Variants in PXDNL observed in about 807,000 individuals in gnomAD.
PXDNL encodes the protein probable oxidoreductase PXDNL.
A neutral mutation model predicts 150.8 loss-of-function variants in PXDNL; 145 were observed. The ratio of observed to expected loss-of-function variants is 0.96; its 90% CI spans 0.84 to 1.10. The LOEUF (loss-of-function observed/expected upper bound fraction) is 1.10. Ranked by LOEUF, PXDNL falls within the 50% of genes least tolerant of loss-of-function variation. The pLI is 0.00. For missense variants in PXDNL, 2,087 were observed against 1,873.9 expected, an observed-to-expected ratio of 1.11 and a Z score of -2.10; for synonymous variants, 757 against 725.7, an observed-to-expected ratio of 1.04 and a Z score of -0.69.
At chr8:51,729,619 A>G (rs1388902978) in intron 1 of PXDNL, among the ~76,000 whole-genome samples, 4 of 152,234 alleles carry the variant, frequency 2.6e-5, no homozygotes, top group Non-Finnish European at 5.9e-5. Flanking sequence ...TACTCTTGCC[A>G]TATAATCCAG....
intron 4 of PXDNL, among the ~76,000 whole-genome samples, chr8:51,545,047 T>C (rs1451520205): frequency 6.6e-6 from 1 of 152,172 alleles, no homozygotes; most frequent in Non-Finnish European, 1.5e-5. Flanking sequence ...AAACCAAAAA[T>C]TCTCTCTGAA....
chr8:51,623,753 G>A (rs376371985), intron 2 of PXDNL, among the ~76,000 whole-genome samples: 5 of 152,220 alleles, frequency 3.3e-5, no homozygotes, highest in Non-Finnish European at 5.9e-5. Context: ...TTGAAAAAGG[G>A]ATGCCATAAA....
At chr8:51,508,605 G>T (rs1349344415) in intron 4 of PXDNL, among the ~76,000 whole-genome samples, 1 of 152,170 alleles carries the variant, frequency 6.6e-6, no homozygotes, top group Non-Finnish European at 1.5e-5. Flanking sequence ...AGTGCCTGGG[G>T]CTGAGTCCTG....
intron 5 of PXDNL, among the ~76,000 whole-genome samples, chr8:51,498,284 G>A (rs1313456061): frequency 7.5e-6 from 1 of 133,944 alleles, no homozygotes; most frequent in Admixed American, 7.8e-5. Context: ...CCTGTTGTGG[G>A]GTCGGGGGAG....
At chr8:51,525,478 C>T (rs934176227) in intron 4 of PXDNL, among the ~76,000 whole-genome samples, 6 of 152,282 alleles carry the variant, frequency 3.9e-5, no homozygotes, top group South Asian at 2.1e-4. Flanking sequence ...CATTCAGAAA[C>T]GTGTCTCCAA....
intron 20 of PXDNL, among the ~76,000 whole-genome samples, chr8:51,344,186 C>T (rs1806074612): frequency 6.6e-6 from 1 of 152,002 alleles, no homozygotes; most frequent in African/African-American, 2.4e-5. Context: ...TTCATGGGAA[C>T]CTCAAACTCC....
At chr8:51,504,398 C>T (rs900889814) in intron 4 of PXDNL, among the ~76,000 whole-genome samples, 2 of 152,292 alleles carry the variant, frequency 1.3e-5, no homozygotes, top group African/African-American at 4.8e-5. Flanking sequence ...GCTCTGGCCT[C>T]CTCCCAGCCA....
intron 4 of PXDNL, among the ~76,000 whole-genome samples, chr8:51,509,096 G>A (rs377617565): frequency 9.2e-5 from 14 of 152,180 alleles, no homozygotes; most frequent in Admixed American, 2.6e-4. Flanking sequence ...TATTGTCTAC[G>A]TAGCCATCCT....
At chr8:51,601,702 T>C (rs1813725135) in intron 2 of PXDNL, among the ~76,000 whole-genome samples, 1 of 152,052 alleles carries the variant, frequency 6.6e-6, no homozygotes, top group African/African-American at 2.4e-5. Flanking sequence ...GTAGGGCATT[T>C]AGAACGTGTA....
rs1411686724 is a variant in PXDNL, at chr8:51,654,678, T to A, written c.236+11A>T. 2.5e-6 allele frequency: 4 copies of A among 1,604,766 alleles called. No homozygotes were observed. On this transcript the variant is annotated intron_variant, in intron 2 of 22. Coordinates refer to ENST00000356297, the MANE Select transcript of PXDNL (RefSeq NM_144651.5). ...TTTTAGGAACCTTACAGATAAGCAA[T>A]AAGTACTCACAGTGTGTTCAAATTC...
intron 1 of PXDNL, among the ~76,000 whole-genome samples, chr8:51,800,386 C>T (rs1011118152): frequency 1.3e-5 from 2 of 152,168 alleles, no homozygotes; most frequent in Non-Finnish European, 2.9e-5. Context: ...GCTAATTCCA[C>T]GTGGTATATT....
At chr8:51,419,565 T>G (rs1387538358) in intron 14 of PXDNL, among the ~76,000 whole-genome samples, 2 of 152,154 alleles carry the variant, frequency 1.3e-5, no homozygotes, top group African/African-American at 4.8e-5. Flanking sequence ...TAACCCAGGG[T>G]TTTCTTCTCA....
At chr8:51,639,379 CA>C in intron 2 of PXDNL, among the ~76,000 whole-genome samples, 1 of 151,994 alleles carries the variant, frequency 6.6e-6, no homozygotes, top group Non-Finnish European at 1.5e-5. Flanking sequence ...GATACAGACA[CA>C]AAAAACCCTT....
At chr8:51,374,567 A>T in intron 18 of PXDNL, 30 bp downstream of exon 18, 1 of 1,608,090 alleles carries the variant, frequency 6.2e-7, no homozygotes, top group Non-Finnish European at 8.5e-7. Context: ...CTTTTGTGAT[A>T]TTTAATAAGT....
chr8:51,355,455 T>C lies in PXDNL; in HGVS notation c.3902-9508A>G, dbSNP rs1181625209. Reference sequence around the variant, plus strand: ...GTTCAATAAATCCCAGTAGAAAATATACATCTGTTGACTCTTTGTGCAATT... The same window carrying C: ...GTTCAATAAATCCCAGTAGAAAATACACATCTGTTGACTCTTTGTGCAATT... On this transcript the variant is annotated intron_variant, in intron 19 of 22. Transcript: ENST00000356297. 3.9e-5 allele frequency among the ~76,000 whole-genome samples: 6 copies of C among 152,188 alleles called. No homozygotes were observed. The South Asian group carries it at 1.0e-3, about 26-fold the overall frequency.
chr8:51,705,181 G>T (rs112090084), intron 1 of PXDNL, among the ~76,000 whole-genome samples: 2 of 152,108 alleles, frequency 1.3e-5, no homozygotes, highest in Non-Finnish European at 2.9e-5. Context: ...TAACTGAAGG[G>T]GGCCCTGGGC....
intron 1 of PXDNL, among the ~76,000 whole-genome samples, chr8:51,749,623 T>A (rs116874641): frequency 6.6e-6 from 1 of 152,192 alleles, no homozygotes; most frequent in Non-Finnish European, 1.5e-5. Flanking sequence ...GGTGAGTGAA[T>A]GTGAAGGCCT....
rs1456542454 is a variant in PXDNL, at chr8:51,790,796, A to ATGTG, written c.164+18381_164+18384dup. Among the ~76,000 whole-genome samples the ATGTG allele has an allele frequency of 8.4e-3, 283 of 33,496 alleles. 13 individuals are homozygous for ATGTG. The highest frequency in any genetic ancestry group is 0.011 in the African/African-American group (277 of 25,814). The allele number at this position is 33,496 out of a possible 152,430, so 22.0% of individuals were successfully genotyped here. On this transcript the variant is annotated intron_variant, in intron 1 of 22. Coordinates refer to ENST00000356297, the MANE Select transcript of PXDNL (RefSeq NM_144651.5). ...GGCTGCCACTCTTTTATATATATAT[A>ATGTG]TGTGTGTGTGTGTGTGTGAGTGTTT...
At chr8:51,599,577 T>C (rs1405051613) in intron 2 of PXDNL, among the ~76,000 whole-genome samples, 1 of 148,978 alleles carries the variant, frequency 6.7e-6, no homozygotes, top group African/African-American at 2.4e-5. Context: ...AGGGTATGAG[T>C]TGCTATTCTT....
Sources: gnomAD v4.1 joint callset for allele counts (sites outside exome capture counted in the v4.1 genomes callset) on GRCh38, gnomAD v4.1.1 for gene constraint, MANE v1.5 for transcripts, NCBI Gene and HGNC (gene_info 2026-07-23, HGNC 2026-07-21) for gene names.